The following FAM174A variants were observed in gnomAD, a reference collection of about 807,000 sequenced individuals.
The protein encoded by FAM174A is family with sequence similarity 174 member A, also known as membrane protein FAM174A.
FAM174A carries 14 observed loss-of-function variants against 14.3 expected under a neutral mutation model. The observed-to-expected ratio is 0.98, with a 90% CI of 0.65 to 1.53. The LOEUF (loss-of-function observed/expected upper bound fraction) is 1.53, where lower values mean the gene tolerates loss of function less well. Ranked by LOEUF, FAM174A falls within the 40% of genes most tolerant of loss-of-function variation. FAM174A has a pLI of 0.00. For missense variants in FAM174A, 241 were observed against 249.6 expected (o/e 0.97, Z 0.23); for synonymous variants, 108 against 111.4 (o/e 0.97, Z 0.19).
At chr5:100,580,641 A>G (rs1459795604) in intron 2 of FAM174A, among the ~76,000 whole-genome samples, 2 of 152,222 alleles carry the variant, frequency 1.3e-5, no homozygotes, top group Admixed American at 6.5e-5. Flanking sequence ...CTCTGAGTCC[A>G]CTGACTCAAA....
In FAM174A at chr5:100,535,878, C is replaced by G; in HGVS notation, c.348C>G (p.Gly116=). The G allele has an allele frequency of 6.2e-7, 1 of 1,613,040 alleles. No homozygotes were observed. The highest frequency in any genetic ancestry group is 8.5e-7 in the Non-Finnish European group (1 of 1,179,904). ...GCCTTGCTGTGAGCCCCAACCCTGG[C>G]GACAAGCCCATGACCCAGCGGGCCC... The part of the protein sequence containing the change: ...GGGLAVSPNP[G]DKPMTQRALT... Residue 116 remains glycine (G), a synonymous_variant, in exon 1 of 3, where the codon GGC becomes GGG. Transcript: ENST00000312637.
At chr5:100,557,243 G>T (rs1457201787) in intron 1 of FAM174A, among the ~76,000 whole-genome samples, 5 of 152,076 alleles carry the variant, frequency 3.3e-5, no homozygotes, top group African/African-American at 1.2e-4. Context: ...TAAGTTTATT[G>T]ATTTGCGTAT....
chr5:100,577,289 A>G (rs1053011540), intron 2 of FAM174A, among the ~76,000 whole-genome samples: 1 of 152,130 alleles, frequency 6.6e-6, no homozygotes, highest in African/African-American at 2.4e-5. Flanking sequence ...CATTTTGACA[A>G]TCTTGGTAAC....
chr5:100,559,884 T>C lies in FAM174A; in HGVS notation c.435-2170T>C, dbSNP rs184363114. Among the ~76,000 whole-genome samples the C allele has an allele frequency of 5.7e-3, 856 of 150,158 alleles. 4 individuals carry two copies. Among genetic ancestry groups the C allele is most frequent in the Middle Eastern group, 0.021 (6 of 288 alleles). Reference sequence around the variant, plus strand: ...TTCAAGGTTTTTAACTTCTTTGCCATGGGTTCGAACTTCCTCCTTTAGCTC... The same window carrying C: ...TTCAAGGTTTTTAACTTCTTTGCCACGGGTTCGAACTTCCTCCTTTAGCTC... On this transcript the variant is annotated intron_variant, in intron 1 of 2. Coordinates refer to ENST00000312637, the MANE Select transcript of FAM174A (RefSeq NM_198507.3).
chr5:100,538,855 G>A (rs1400843663), intron 1 of FAM174A, among the ~76,000 whole-genome samples: 1 of 151,458 alleles, frequency 6.6e-6, no homozygotes, highest in Non-Finnish European at 1.5e-5. Context: ...ACAGTAAAAT[G>A]TATAAGGCCA....
At chr5:100,563,738 G>A (rs1297191003) in intron 2 of FAM174A, among the ~76,000 whole-genome samples, 2 of 151,772 alleles carry the variant, frequency 1.3e-5, no homozygotes, top group Non-Finnish European at 2.9e-5. Context: ...ATCATCTTAG[G>A]TCACAAAACA....
intron 1 of FAM174A, among the ~76,000 whole-genome samples, chr5:100,560,588 T>A (rs1214213084): frequency 6.6e-6 from 1 of 152,148 alleles, no homozygotes; most frequent in East Asian, 1.9e-4. Context: ...GACCAGGCAC[T>A]TTACACCCAG....
intron 2 of FAM174A, among the ~76,000 whole-genome samples, chr5:100,582,852 C>A (rs1004714311): frequency 6.6e-6 from 1 of 152,018 alleles, no homozygotes; most frequent in Non-Finnish European, 1.5e-5. Context: ...TTTATAGGAA[C>A]CATAGAAATG....
At chr5:100,582,388 T>G (rs939174863) in intron 2 of FAM174A, among the ~76,000 whole-genome samples, 1 of 152,090 alleles carries the variant, frequency 6.6e-6, no homozygotes, top group African/African-American at 2.4e-5. Flanking sequence ...GCATTATTCA[T>G]TTTCAGATGT....
At chr5:100,570,645 A>G (rs1045743039) in intron 2 of FAM174A, among the ~76,000 whole-genome samples, 2 of 152,008 alleles carry the variant, frequency 1.3e-5, no homozygotes, top group East Asian at 3.9e-4. Context: ...CTGTTCAGTT[A>G]CATGACAAAG....
chr5:100,553,012 T>A (rs1201809576), intron 1 of FAM174A, among the ~76,000 whole-genome samples: 2 of 152,074 alleles, frequency 1.3e-5, no homozygotes, highest in Non-Finnish European at 2.9e-5. Context: ...GTTTCTATAT[T>A]TCCAAATGCA....
intron 1 of FAM174A, among the ~76,000 whole-genome samples, chr5:100,542,209 A>G (rs972109154): frequency 7.9e-5 from 12 of 152,200 alleles, no homozygotes; most frequent in African/African-American, 2.9e-4. Flanking sequence ...CTAAGCTGTT[A>G]ATTACTTTCT....
chr5:100,561,820 CAGAG>C (rs1228916502), intron 1 of FAM174A, among the ~76,000 whole-genome samples: 1 of 151,738 alleles, frequency 6.6e-6, no homozygotes, highest in Non-Finnish European at 1.5e-5. Context: ...TCAGTTGACA[CAGAG>C]AGAAGAGAGT....
At chr5:100,561,928 A>G in intron 1 of FAM174A, 126 bp from the exon 2 acceptor site, 1 of 524,664 alleles carries the variant, frequency 1.9e-6, no homozygotes, top group Middle Eastern at 5.6e-4. Flanking sequence ...TTTGTTGCAT[A>G]TCTGAAATGT....
intron 2 of FAM174A, chr5:100,581,223 C>A (rs1345952157): frequency 4.2e-6 from 1 of 238,306 alleles, no homozygotes; most frequent in Non-Finnish European, 6.8e-6. Flanking sequence ...AGCCACTGCA[C>A]AAGGCCTGCG....
intron 2 of FAM174A, chr5:100,581,271 T>C: frequency 1.6e-6 from 1 of 629,940 alleles, no homozygotes; most frequent in Non-Finnish European, 2.0e-6. Flanking sequence ...CTTCTACAAC[T>C]TCTATATCAC....
intron 1 of FAM174A, among the ~76,000 whole-genome samples, chr5:100,558,680 T>C (rs1199721680): frequency 1.3e-5 from 2 of 152,176 alleles, no homozygotes; most frequent in East Asian, 3.9e-4. Context: ...TTGATCCCTT[T>C]ACCATTATGT....
intron 1 of FAM174A, among the ~76,000 whole-genome samples, chr5:100,557,658 AG>A (rs1561317183): frequency 6.6e-6 from 1 of 152,094 alleles, no homozygotes; most frequent in Non-Finnish European, 1.5e-5. Flanking sequence ...TTCCTGGTTT[AG>A]TCTTGGGAGG....
At chr5:100,573,749 A>C (rs573030666) in intron 2 of FAM174A, among the ~76,000 whole-genome samples, 1 of 150,852 alleles carries the variant, frequency 6.6e-6, no homozygotes, top group African/African-American at 2.5e-5. Context: ...TGGAACCAAA[A>C]AAGAGCCCAC....
Sources: gnomAD v4.1 joint callset for allele counts (sites outside exome capture counted in the v4.1 genomes callset) on GRCh38, gnomAD v4.1.1 for gene constraint, MANE v1.5 for transcripts, NCBI Gene and HGNC (gene_info 2026-07-23, HGNC 2026-07-21) for gene names.